The following FYCO1 variants were observed in gnomAD, a reference collection of about 807,000 sequenced individuals.
FYCO1 encodes FYVE and coiled-coil domain-containing protein 1.
In FYCO1, 122 loss-of-function variants were observed where a neutral mutation model predicts 165.1. The observed-to-expected ratio is 0.74, with a 90% CI of 0.64 to 0.86. The LOEUF is 0.86. FYCO1 is among the 40% of genes least tolerant of loss of function. FYCO1 has a pLI of 0.00. For synonymous variants in FYCO1, 648 were observed against 742.5 expected, an observed-to-expected ratio of 0.87 and a Z score of 2.07; for missense variants, 1,702 against 1,810.3, an observed-to-expected ratio of 0.94 and a Z score of 1.09.
At chr3:45,923,573 G>T (rs1703186018) in intron 17 of FYCO1, 83 bp downstream of exon 17, 2 of 836,506 alleles carry the variant, frequency 2.4e-6, no homozygotes, top group Middle Eastern at 4.4e-4. Context: ...ACAAATAATT[G>T]GTTTTGAGTG....
Position 45,981,668 on chromosome 3 carries a change from T to G in FYCO1, c.64A>C (p.Thr22Pro). ...TCCTGAAATTCTTTGCTTAGTTCTG[T>G]CACAGCATCTTTAAGACAACAAATA... is the stretch of plus-strand genomic sequence containing the variant. ...RIIRDLQDAV[T>P]ELSKEFQEAG... Residue 22 changes from threonine (T) to proline (P), a missense_variant, in exon 3 of 18, where the codon ACA (threonine) becomes CCA (proline). Coordinates refer to ENST00000296137, the MANE Select transcript of FYCO1 (RefSeq NM_024513.4). 6.2e-7 allele frequency: 1 copy of G among 1,609,490 alleles called. No individual in the cohort carries two copies. Among genetic ancestry groups the G allele is most frequent in the Non-Finnish European group, 8.5e-7 (1 of 1,175,728 alleles).
chr3:45,981,557 A>T lies in FYCO1; in HGVS notation c.162+13T>A, dbSNP rs753353238. On this transcript the variant is annotated intron_variant, in intron 3 of 17. Coordinates refer to ENST00000296137, the MANE Select transcript of FYCO1 (RefSeq NM_024513.4). ...ACCAGTGCAAAAATCAACACATTAC[A>T]GGCATCACTTACTTGCAGGAGATAC... The T allele has an allele frequency of 1.3e-6, 2 of 1,485,496 alleles. No individual in the cohort carries two copies. The highest frequency in any genetic ancestry group is 2.8e-5 in the African/African-American group (2 of 72,520). The allele number at this position is 1,485,496 out of a possible 1,614,324, so 92.0% of individuals were successfully genotyped here.
At chr3:45,947,475 C>T in intron 14 of FYCO1, 1 of 1,613,906 alleles carries the variant, frequency 6.2e-7, no homozygotes, top group East Asian at 2.2e-5. Context: ...TTCTGCCTCC[C>T]ACAATGTGGA....
At chr3:45,923,509 G>C in intron 17 of FYCO1, 147 bp downstream of exon 17, 1 of 698,292 alleles carries the variant, frequency 1.4e-6, no homozygotes, top group South Asian at 1.5e-5. Context: ...AAGAACACTG[G>C]AACACCACAG....
rs35450771 is a variant in FYCO1, at chr3:45,966,983, TC to T, written c.2350del (p.Glu784ArgfsTer30). ...SQAQLEVHQG[E>X]VQRLQAQVVD... is the part of the protein sequence containing the mutation. ...CACCTGAGCCTGCAGCCGTTGGACC[TC>T]CCCCTGATGGACTTCCAGCTGCGCC... On this transcript the variant is annotated frameshift_variant, in exon 8 of 18. Transcript: ENST00000296137. LOFTEE classifies it high-confidence loss of function. 3 of 1,613,082 alleles carry T rather than the reference TC, an allele frequency of 1.9e-6. No individual in the cohort carries two copies. Among genetic ancestry groups the T allele is most frequent in the Admixed American group, 3.3e-5 (2 of 60,014 alleles).
intron 15 of FYCO1, 138 bp downstream of exon 15, chr3:45,936,310 C>G: frequency 1.5e-6 from 1 of 679,808 alleles, no homozygotes; most frequent in Non-Finnish European, 2.7e-6. Context: ...TAAGCTATGC[C>G]TGAAAAAAAA....
At chr3:45,951,029 T>C (rs182582280) in intron 14 of FYCO1, among the ~76,000 whole-genome samples, 2 of 152,342 alleles carry the variant, frequency 1.3e-5, no homozygotes, top group East Asian at 3.9e-4. Context: ...CTGGTAAAGA[T>C]GCTCTGAGGG....
intron 6 of FYCO1, among the ~76,000 whole-genome samples, chr3:45,970,310 C>T (rs1282368129): frequency 6.6e-6 from 1 of 152,236 alleles, no homozygotes; most frequent in Non-Finnish European, 1.5e-5. Flanking sequence ...AGCAGGAACA[C>T]TGGAAACGAA....
intron 5 of FYCO1, 50 bp downstream of exon 5, chr3:45,975,189 T>C: frequency 8.0e-7 from 1 of 1,247,692 alleles, no homozygotes; most frequent in South Asian, 1.2e-5. Context: ...TGAACTTTAG[T>C]TCATTTCTGC....
chr3:45,946,760 T>C, intron 14 of FYCO1: 2 of 1,614,202 alleles, frequency 1.2e-6, no homozygotes, highest in African/African-American at 1.3e-5. Context: ...CAGGCATCCA[T>C]GAATGGGTGT....
Position 45,964,676 on chromosome 3 carries a change from G to T in FYCO1, c.3151-222C>A. ...CAAGTGGCAGGTACCAGAATTCCCA[G>T]GGTAACACTGAAGGTAGGGGTGGCA... On this transcript the variant is annotated intron_variant, in intron 9 of 17. Coordinates refer to ENST00000296137, the MANE Select transcript of FYCO1 (RefSeq NM_024513.4). This position sits in a 1 kb window ranked among gnomAD's most constrained non-coding sequence, Gnocchi z 4.1. The T allele has an allele frequency of 2.7e-6, 1 of 376,940 alleles. No homozygotes were observed. Among genetic ancestry groups the T allele is most frequent in the Non-Finnish European group, 3.7e-6 (1 of 273,542 alleles). 23.3% of individuals were successfully genotyped at this position (376,940 alleles called of 1,614,324 possible). A position where few individuals can be genotyped will look rare whatever the true frequency, so the allele number is the denominator to read the frequency against.
intron 4 of FYCO1, among the ~76,000 whole-genome samples, chr3:45,978,482 T>G (rs1028385111): frequency 2.6e-5 from 4 of 152,174 alleles, no homozygotes; most frequent in Admixed American, 2.0e-4. Context: ...GTGGGAAATG[T>G]CCAGCCATTG....
intron 14 of FYCO1, among the ~76,000 whole-genome samples, chr3:45,941,534 T>C (rs1351893144): frequency 2.0e-5 from 3 of 152,264 alleles, no homozygotes; most frequent in Non-Finnish European, 4.4e-5. Flanking sequence ...AACGGCATTT[T>C]GTAAAGTGAT....
At position 45,964,501 on chromosome 3, in the gene FYCO1, T is replaced by G. The variant is rs529544515; in HGVS notation, c.3151-47A>C. The G allele has an allele frequency of 6.8e-6, 11 of 1,611,244 alleles. No homozygotes were observed. Among genetic ancestry groups the G allele is most frequent in the African/African-American group, 5.3e-5 (4 of 75,028 alleles). ...AAGACACTCAGCTTGCAGAAGGCCA[T>G]GCAACGTACCATAAAGTGGCTGGTG... is the stretch of plus-strand genomic sequence containing the variant. On this transcript the variant is annotated intron_variant, in intron 9 of 17. Coordinates refer to ENST00000296137, the MANE Select transcript of FYCO1 (RefSeq NM_024513.4). The surrounding 1 kb of genome is among the most constrained non-coding windows in gnomAD (Gnocchi z 4.1).
intron 14 of FYCO1, among the ~76,000 whole-genome samples, chr3:45,942,447 G>A (rs1306185242): frequency 6.6e-6 from 1 of 152,220 alleles, no homozygotes; most frequent in Non-Finnish European, 1.5e-5. Flanking sequence ...AGCCACATGA[G>A]AAGGTTTGCC....
intron 11 of FYCO1, among the ~76,000 whole-genome samples, chr3:45,960,559 C>A (rs1049992563): frequency 6.6e-6 from 1 of 152,212 alleles, no homozygotes; most frequent in African/African-American, 2.4e-5. Context: ...TTTTCCATCA[C>A]ACCCCTCAGG....
intron 13 of FYCO1, 94 bp from the exon 14 acceptor site, chr3:45,955,487 T>G: frequency 5.1e-6 from 7 of 1,361,904 alleles, no homozygotes; most frequent in African/African-American, 1.4e-5. Context: ...AGAGTGCAGC[T>G]ATGCAGAACA....
intron 14 of FYCO1, among the ~76,000 whole-genome samples, chr3:45,954,144 G>A (rs1024814981): frequency 7.2e-5 from 11 of 152,172 alleles, no homozygotes; most frequent in African/African-American, 1.2e-4. Context: ...CCCATAGGCC[G>A]CATGCAGCCC....
chr3:45,992,950 T>A (rs1441003030), intron 1 of FYCO1, among the ~76,000 whole-genome samples: 1 of 152,228 alleles, frequency 6.6e-6, no homozygotes, highest in African/African-American at 2.4e-5. Flanking sequence ...ATGCTTTTTT[T>A]GGTCCAAGCT....
Sources: gnomAD v4.1 joint callset for allele counts (sites outside exome capture counted in the v4.1 genomes callset) on GRCh38, gnomAD v4.1.1 for gene constraint, Gnocchi (gnomAD v3.1) non-coding constraint, MANE v1.5 for transcripts, NCBI Gene and HGNC (gene_info 2026-07-23, HGNC 2026-07-21) for gene names.